GALNTL6: variants seen among roughly 807,000 people sequenced by gnomAD.
GALNTL6 encodes polypeptide N-acetylgalactosaminyltransferase-like 6.
GALNTL6 carries 46 observed loss-of-function variants against 73.7 expected under a neutral mutation model. The observed-to-expected ratio is 0.62, with a 90% CI of 0.49 to 0.80. GALNTL6 has a LOEUF of 0.80. Ranked by LOEUF, GALNTL6 falls within the 30% of genes least tolerant of loss-of-function variation. The probability of loss-of-function intolerance (pLI) is 0.00; values close to 1 mark genes in which losing one functional copy is unlikely to be tolerated. For missense variants in GALNTL6, 604 were observed against 755.0 expected (o/e 0.80, Z 2.34); for synonymous variants, 259 against 263.7 (o/e 0.98, Z 0.17).
intron 2 of GALNTL6, among the ~76,000 whole-genome samples, chr4:171,923,089 A>C (rs1278772880): frequency 6.6e-6 from 1 of 152,164 alleles, no homozygotes; most frequent in Non-Finnish European, 1.5e-5. Context: ...AGAGGATAGG[A>C]AGGAAGTAGA....
intron 7 of GALNTL6, among the ~76,000 whole-genome samples, chr4:172,871,613 T>G (rs140584514): frequency 1.2e-5 from 1 of 85,088 alleles, no homozygotes; most frequent in Non-Finnish European, 2.8e-5. Flanking sequence ...TGTGTGAGAG[T>G]GTGTGTGTGT....
chr4:172,285,312 T>G (rs1018882108), intron 3 of GALNTL6, among the ~76,000 whole-genome samples: 5 of 152,284 alleles, frequency 3.3e-5, no homozygotes, highest in Admixed American at 2.0e-4. Context: ...TATACATAAT[T>G]TGACTATTAG....
At chr4:172,156,236 G>A (rs554526790) in intron 2 of GALNTL6, among the ~76,000 whole-genome samples, 1 of 151,990 alleles carries the variant, frequency 6.6e-6, no homozygotes, top group South Asian at 2.1e-4. Context: ...TGTGTCTCTC[G>A]GCCAGCTTTC....
Position 172,837,183 on chromosome 4 carries a change from C to T in GALNTL6, c.923+23460C>T, listed in dbSNP as rs553958232. On this transcript the variant is annotated intron_variant, in intron 7 of 12. Transcript: ENST00000506823. ...ATGAGGTAGGTGGTTTGGGGTTTTA[C>T]CTCCCTAATTCTGGTTTTGCCAGTA... Among the ~76,000 whole-genome samples, 7 of 152,234 alleles carry T rather than the reference C, an allele frequency of 4.6e-5. No individual in the cohort carries two copies. The South Asian group carries it at 1.5e-3, about 32-fold the overall frequency.
At chr4:172,035,577 C>T (rs543591049) in intron 2 of GALNTL6, among the ~76,000 whole-genome samples, 2 of 152,058 alleles carry the variant, frequency 1.3e-5, no homozygotes, top group African/African-American at 4.8e-5. Context: ...AGAATATGAC[C>T]CAATGTTAAC....
chr4:172,783,487 T>G (rs955547258), intron 5 of GALNTL6, among the ~76,000 whole-genome samples: 1 of 142,844 alleles, frequency 7.0e-6, no homozygotes, highest in Admixed American at 6.9e-5. Flanking sequence ...ATTAATAATA[T>G]TATACACTAT....
intron 5 of GALNTL6, among the ~76,000 whole-genome samples, chr4:172,806,238 C>T (rs1740950229): frequency 6.6e-6 from 1 of 151,980 alleles, no homozygotes; most frequent in Admixed American, 6.6e-5. Context: ...CTAATTATCA[C>T]CATAAATTTC....
chr4:172,395,957 A>G (rs977462728), intron 5 of GALNTL6, among the ~76,000 whole-genome samples: 6 of 152,164 alleles, frequency 3.9e-5, no homozygotes, highest in African/African-American at 1.4e-4. Context: ...AGTTAAATCA[A>G]TGGAAGAGGC....
intron 5 of GALNTL6, among the ~76,000 whole-genome samples, chr4:172,516,143 C>G (rs1734601086): frequency 6.6e-6 from 1 of 152,104 alleles, no homozygotes; most frequent in East Asian, 1.9e-4. Flanking sequence ...TCTATTAATA[C>G]AGAAATCTTG....
chr4:172,464,856 A>G (rs1373199647), intron 5 of GALNTL6, among the ~76,000 whole-genome samples: 1 of 152,176 alleles, frequency 6.6e-6, no homozygotes, highest in African/African-American at 2.4e-5. Flanking sequence ...TCTCTGATAT[A>G]TAGGTTTTAA....
chr4:171,883,038 G>A (rs1736498134), intron 2 of GALNTL6, among the ~76,000 whole-genome samples: 1 of 152,094 alleles, frequency 6.6e-6, no homozygotes, highest in Admixed American at 6.6e-5. Context: ...AAATTCTCTT[G>A]TACTTTGATA....
intron 2 of GALNTL6, among the ~76,000 whole-genome samples, chr4:171,903,261 A>AGTGGGCGCAGGTCAGTGG (rs1336551368): frequency 6.6e-6 from 1 of 152,072 alleles, no homozygotes; most frequent in African/African-American, 2.4e-5. Flanking sequence ...AGTGCCAGAC[A>AGTGGGCGCAGGTCAGTGG]GTGGGCGCAG....
intron 5 of GALNTL6, among the ~76,000 whole-genome samples, chr4:172,377,634 G>T (rs533888557): frequency 4.6e-5 from 7 of 152,176 alleles, no homozygotes; most frequent in Non-Finnish European, 8.8e-5. Flanking sequence ...CCCACCGGTT[G>T]TGGGGGAGCT....
chr4:172,190,463 A>G (rs572050874), intron 2 of GALNTL6, among the ~76,000 whole-genome samples: 1 of 152,260 alleles, frequency 6.6e-6, no homozygotes, highest in African/African-American at 2.4e-5. Flanking sequence ...TTGAATTATG[A>G]GGAGTTTAAG....
chr4:172,291,961 T>A (rs985299895), intron 3 of GALNTL6, among the ~76,000 whole-genome samples: 6 of 152,166 alleles, frequency 3.9e-5, no homozygotes, highest in Non-Finnish European at 7.4e-5. Flanking sequence ...TCATTGCATA[T>A]AAAGACAACT....
chr4:172,544,314 T>C (rs1399817390), intron 5 of GALNTL6, among the ~76,000 whole-genome samples: 1 of 152,212 alleles, frequency 6.6e-6, no homozygotes, highest in Non-Finnish European at 1.5e-5. Context: ...TGATTTTACT[T>C]ACACAAGATT....
At chr4:172,004,727 C>T (rs964132793) in intron 2 of GALNTL6, among the ~76,000 whole-genome samples, 1 of 146,850 alleles carries the variant, frequency 6.8e-6, no homozygotes, top group Non-Finnish European at 1.5e-5. Flanking sequence ...AAAATATTAC[C>T]AATCATTTGC....
At chr4:172,206,805 G>GTTTTT (rs778156050) in intron 2 of GALNTL6, among the ~76,000 whole-genome samples, 280 of 26,148 alleles carry the variant, frequency 0.011, 27 homozygotes, top group African/African-American at 0.021. Flanking sequence ...TTGTTTTTCT[G>GTTTTT]TTTTTTTTGT....
At chr4:172,384,146 C>T (rs1215214864) in intron 5 of GALNTL6, among the ~76,000 whole-genome samples, 1 of 152,038 alleles carries the variant, frequency 6.6e-6, no homozygotes, top group Admixed American at 6.5e-5. Flanking sequence ...TCCTCTTCTA[C>T]TTTTTGCAAG....
Sources: allele counts gnomAD v4.1 joint callset (sites outside exome capture counted in the v4.1 genomes callset), GRCh38; gene constraint gnomAD v4.1.1; transcripts MANE v1.5; gene names NCBI Gene and HGNC (gene_info 2026-07-23, HGNC 2026-07-21).